MAF: variants seen among roughly 807,000 people sequenced by gnomAD.
MAF encodes the protein transcription factor Maf.
Under a neutral mutation model 22.0 loss-of-function variants are expected in MAF, and 10 were observed. The ratio of observed to expected loss-of-function variants is 0.45; its 90% CI spans 0.28 to 0.77. The LOEUF (loss-of-function observed/expected upper bound fraction) is 0.77. MAF is among the 30% of genes least tolerant of loss of function. The probability of loss-of-function intolerance (pLI) is 0.12; values close to 1 mark genes in which losing one functional copy is unlikely to be tolerated. For missense variants in MAF, 544 were observed against 548.4 expected (o/e 0.99, Z 0.08); for synonymous variants, 337 against 255.8 (o/e 1.32, Z -3.03).
the MAF span, among the ~76,000 whole-genome samples, chr16:79,476,275 C>T: frequency 6.6e-6 from 1 of 152,152 alleles, no homozygotes; most frequent in African/African-American, 2.4e-5. Flanking sequence ...GTAAGTCATG[C>T]CCAGGCCCCT....
At chr16:79,234,181 A>G in the MAF span, among the ~76,000 whole-genome samples, 1 of 152,016 alleles carries the variant, frequency 6.6e-6, no homozygotes, top group Non-Finnish European at 1.5e-5. Context: ...TGTGGCACAC[A>G]CAGTGGTTTT....
chr16:79,226,826 C>A, the MAF span, among the ~76,000 whole-genome samples: 3 of 151,902 alleles, frequency 2.0e-5, no homozygotes, highest in Non-Finnish European at 4.4e-5. Context: ...TATGCCAGTG[C>A]TTGTAAAACA....
the MAF span, among the ~76,000 whole-genome samples, chr16:79,383,403 T>G: frequency 3.3e-5 from 5 of 152,108 alleles, no homozygotes; most frequent in African/African-American, 4.8e-5. Context: ...TTTAAATGTC[T>G]TGGTTTAAAA....
the MAF span, among the ~76,000 whole-genome samples, chr16:79,552,034 T>A: frequency 6.6e-5 from 10 of 152,050 alleles, no homozygotes; most frequent in Admixed American, 4.6e-4. Flanking sequence ...GTTTGGAGGA[T>A]AAAACACAAA....
the MAF span, among the ~76,000 whole-genome samples, chr16:79,466,217 C>G: frequency 6.6e-6 from 1 of 152,164 alleles, no homozygotes; most frequent in Non-Finnish European, 1.5e-5. Context: ...ACCTCACTCC[C>G]TCTAGACCCA....
the MAF span, among the ~76,000 whole-genome samples, chr16:79,473,213 G>C: frequency 6.6e-6 from 1 of 152,076 alleles, no homozygotes; most frequent in South Asian, 2.1e-4. Context: ...CTCTGTGGAG[G>C]GGGAGGGAGT....
At chr16:79,355,983 C>T in the MAF span, among the ~76,000 whole-genome samples, 167 of 152,262 alleles carry the variant, frequency 1.1e-3, no homozygotes, top group Non-Finnish European at 1.9e-3. Flanking sequence ...TTCTCCATGC[C>T]TCTCTCCTTT....
At chr16:79,335,166 A>G in the MAF span, among the ~76,000 whole-genome samples, 1 of 148,396 alleles carries the variant, frequency 6.7e-6, no homozygotes, top group Non-Finnish European at 1.5e-5. Context: ...GCCTGGCGAC[A>G]GAGCGAGACT....
At chr16:79,493,132 G>GT in the MAF span, among the ~76,000 whole-genome samples, 116,197 of 140,754 alleles carry the variant, frequency 0.83, 49,638 homozygotes, top group East Asian at 0.97. Flanking sequence ...TAATCTTTCT[G>GT]TTTTTTTTTT....
chr16:79,343,127 A>G, the MAF span, among the ~76,000 whole-genome samples: 1 of 152,194 alleles, frequency 6.6e-6, no homozygotes, highest in African/African-American at 2.4e-5. Flanking sequence ...AGGAGCAAAG[A>G]GGCATTCACG....
At chr16:79,274,571 GAAGA>G in the MAF span, among the ~76,000 whole-genome samples, 1 of 152,188 alleles carries the variant, frequency 6.6e-6, no homozygotes, top group Non-Finnish European at 1.5e-5. Context: ...ACTGAGAACA[GAAGA>G]AAGGACCCTA....
the MAF span, among the ~76,000 whole-genome samples, chr16:79,441,449 G>C: frequency 6.6e-6 from 1 of 152,200 alleles, no homozygotes; most frequent in Admixed American, 6.5e-5. Context: ...CAACCACTCA[G>C]CTCTGCTGTT....
the MAF span, among the ~76,000 whole-genome samples, chr16:79,523,144 A>G: frequency 1.3e-5 from 2 of 152,338 alleles, no homozygotes; most frequent in East Asian, 3.9e-4. Flanking sequence ...ACTGTTTGAT[A>G]GCAGATATTG....
the MAF span, among the ~76,000 whole-genome samples, chr16:79,408,039 A>T: frequency 2.9e-5 from 4 of 138,044 alleles, no homozygotes; most frequent in Non-Finnish European, 4.5e-5. Flanking sequence ...GCCATAAGAG[A>T]ATGAGTGATT....
the MAF span, among the ~76,000 whole-genome samples, chr16:79,375,683 C>A: frequency 6.6e-6 from 1 of 152,000 alleles, no homozygotes; most frequent in East Asian, 1.9e-4. Context: ...CTCTGACAAC[C>A]AAGTCAAAAA....
the MAF span, among the ~76,000 whole-genome samples, chr16:79,334,608 C>T: frequency 6.6e-6 from 1 of 152,050 alleles, no homozygotes; most frequent in Admixed American, 6.5e-5. Context: ...CTAAAAAATT[C>T]TTAGGACTTT....
chr16:79,582,784 T>C (rs1183610817), downstream of MAF, among the ~76,000 whole-genome samples: 10 of 152,240 alleles, frequency 6.6e-5, no homozygotes. Context: ...GAATTTGGGA[T>C]AGATGGGTCT....
chr16:79,461,497 G>T, the MAF span, among the ~76,000 whole-genome samples: 3 of 152,142 alleles, frequency 2.0e-5, no homozygotes, highest in Non-Finnish European at 4.4e-5. Context: ...TATTGCCTAG[G>T]AAGCCCTCAC....
At chr16:79,205,587 A>G in the MAF span, 3 of 152,166 alleles carry the variant, frequency 2.0e-5, no homozygotes, top group Admixed American at 2.0e-4. Flanking sequence ...GATCATCTTC[A>G]TTGTTTCTTT....
Sources: allele counts gnomAD v4.1 joint callset (sites outside exome capture counted in the v4.1 genomes callset), GRCh38; gene constraint gnomAD v4.1.1; transcripts MANE v1.5; gene names NCBI Gene and HGNC (gene_info 2026-07-23, HGNC 2026-07-21).